TMEM272: variants seen among roughly 807,000 people sequenced by gnomAD.
TMEM272 encodes transmembrane protein 272.
A neutral mutation model predicts 3.7 loss-of-function variants in TMEM272; 8 were observed. That is an observed-to-expected ratio of 2.17 (90% confidence interval 1.27 to 3.91). The LOEUF is 3.91. Among genes scored for constraint, TMEM272 ranks in the 30% most tolerant of loss-of-function variants. TMEM272 has a pLI of 0.00. For synonymous variants in TMEM272, 63 were observed against 39.8 expected (o/e 1.58, Z -2.20); for missense variants, 166 against 91.5 (o/e 1.81, Z -3.32).
chr13:51,880,806 G>A, the TMEM272 span, among the ~76,000 whole-genome samples: 2 of 152,202 alleles, frequency 1.3e-5, no homozygotes, highest in African/African-American at 4.8e-5. Context: ...CAGCTATGGA[G>A]GGGGTGAGGG....
chr13:51,855,600 T>C, the TMEM272 span, among the ~76,000 whole-genome samples: 1 of 152,080 alleles, frequency 6.6e-6, no homozygotes, highest in Non-Finnish European at 1.5e-5. Flanking sequence ...GAGAACCAAA[T>C]GAATATCCTA....
the TMEM272 span, among the ~76,000 whole-genome samples, chr13:51,874,066 T>C: frequency 6.6e-6 from 1 of 152,108 alleles, no homozygotes; most frequent in Admixed American, 6.5e-5. Context: ...CATATGAAAG[T>C]CATTGTGTGA....
At chr13:51,819,401 A>G (rs1400884970) in intron 4 of TMEM272, among the ~76,000 whole-genome samples, 2 of 152,164 alleles carry the variant, frequency 1.3e-5, no homozygotes, top group Non-Finnish European at 2.9e-5. Flanking sequence ...CCTTCCTTGC[A>G]GGGCCCCATT....
At chr13:51,837,612 GCTTAGT>G (rs1230348685) in intron 2 of TMEM272, among the ~76,000 whole-genome samples, 2 of 152,244 alleles carry the variant, frequency 1.3e-5, no homozygotes, top group Non-Finnish European at 2.9e-5. Flanking sequence ...TCATTTACCT[GCTTAGT>G]CAGCCAGTGC....
rs1566336632 is a variant in TMEM272, at chr13:51,822,142, A to G, written c.119-5T>C. On this transcript the variant is annotated splice_region_variant and splice_polypyrimidine_tract_variant and intron_variant, in intron 3 of 4. Coordinates refer to ENST00000629372, the MANE Select transcript of TMEM272 (RefSeq NM_001351003.2). ...AGTCCTCCAAAAATTTCATTCCTACATAGGGCAAACAGAAGAGGATTGAGA... is the reference window on the plus strand; with the variant it reads ...AGTCCTCCAAAAATTTCATTCCTACGTAGGGCAAACAGAAGAGGATTGAGA... 1.4e-6 allele frequency: 1 copy of G among 696,554 alleles called. No individual in the cohort carries two copies. The highest frequency in any genetic ancestry group is 2.7e-5 in the East Asian group (1 of 37,212). 43.1% of individuals were successfully genotyped at this position (696,554 alleles called of 1,614,324 possible).
chr13:51,835,019 G>GA (rs1186637351), intron 2 of TMEM272, among the ~76,000 whole-genome samples: 1 of 152,078 alleles, frequency 6.6e-6, no homozygotes, highest in African/African-American at 2.4e-5. Context: ...GAGAGCTCCA[G>GA]AAAGCTCCCC....
chr13:51,820,098 C>T (rs1464219607), intron 4 of TMEM272, among the ~76,000 whole-genome samples: 1 of 152,158 alleles, frequency 6.6e-6, no homozygotes, highest in Non-Finnish European at 1.5e-5. Flanking sequence ...CAATACTTAA[C>T]TTACTAGGCA....
the TMEM272 span, chr13:51,908,686 C>T: frequency 1.4e-6 from 2 of 1,474,938 alleles, no homozygotes; most frequent in South Asian, 2.3e-5. Flanking sequence ...TCCATTTTAT[C>T]CAAAGAAGGT....
At chr13:51,927,954 G>C in the TMEM272 span, among the ~76,000 whole-genome samples, 1 of 152,130 alleles carries the variant, frequency 6.6e-6, no homozygotes, top group Non-Finnish European at 1.5e-5. Flanking sequence ...TGACTTCCTT[G>C]AGGGGTACAG....
chr13:51,893,032 AAAC>A, the TMEM272 span, among the ~76,000 whole-genome samples: 5 of 152,282 alleles, frequency 3.3e-5, no homozygotes, highest in Admixed American at 6.5e-5. Flanking sequence ...ATTTTCTGAC[AAAC>A]ATCATACATC....
chr13:51,867,532 A>G, the TMEM272 span, among the ~76,000 whole-genome samples: 1 of 152,084 alleles, frequency 6.6e-6, no homozygotes, highest in African/African-American at 2.4e-5. Context: ...AGGGTGAACA[A>G]ATACCCTTGG....
chr13:51,900,895 T>C, the TMEM272 span, among the ~76,000 whole-genome samples: 8 of 152,210 alleles, frequency 5.3e-5, no homozygotes, highest in African/African-American at 1.7e-4. Context: ...GTTCCATTTA[T>C]AGGAAATGCT....
chr13:51,869,990 T>A, the TMEM272 span, among the ~76,000 whole-genome samples: 16 of 152,202 alleles, frequency 1.1e-4, no homozygotes, highest in East Asian at 5.8e-4. Context: ...CCATGACTGA[T>A]CCTATTCAAG....
the TMEM272 span, among the ~76,000 whole-genome samples, chr13:51,883,467 T>C: frequency 8.2e-3 from 1,246 of 152,234 alleles, 28 homozygotes; most frequent in African/African-American, 0.028. Flanking sequence ...CCCTCAGCTG[T>C]GAGAGGGGGC....
chr13:51,917,360 G>C, the TMEM272 span, among the ~76,000 whole-genome samples: 4 of 152,270 alleles, frequency 2.6e-5, no homozygotes, highest in South Asian at 6.2e-4. Flanking sequence ...CACCCAGAGA[G>C]GGTGCTCACA....
At chr13:51,871,653 A>G in the TMEM272 span, among the ~76,000 whole-genome samples, 2 of 152,148 alleles carry the variant, frequency 1.3e-5, no homozygotes, top group African/African-American at 4.8e-5. Flanking sequence ...CTGTAACCTC[A>G]GCTAGAACCA....
the TMEM272 span, among the ~76,000 whole-genome samples, chr13:51,914,205 G>T: frequency 6.6e-6 from 1 of 152,218 alleles, no homozygotes; most frequent in African/African-American, 2.4e-5. Context: ...AGTTCCACGG[G>T]TGCTACAGGC....
the TMEM272 span, among the ~76,000 whole-genome samples, chr13:51,870,582 C>G: frequency 6.6e-6 from 1 of 152,140 alleles, no homozygotes; most frequent in South Asian, 2.1e-4. Context: ...CAGAAATCCA[C>G]AAGAACAAAA....
chr13:51,911,362 T>C, the TMEM272 span, among the ~76,000 whole-genome samples: 2 of 152,210 alleles, frequency 1.3e-5, no homozygotes, highest in Non-Finnish European at 2.9e-5. Flanking sequence ...TGAAAAACAC[T>C]AGTCTCATCC....
Sources: allele counts gnomAD v4.1 joint callset (sites outside exome capture counted in the v4.1 genomes callset), GRCh38; gene constraint gnomAD v4.1.1; transcripts MANE v1.5; gene names NCBI Gene and HGNC (gene_info 2026-07-23, HGNC 2026-07-21).